PSCA: variants seen among roughly 807,000 people sequenced by gnomAD.
PSCA encodes prostate stem cell antigen.
Under a neutral mutation model 7.9 loss-of-function variants are expected in PSCA, and 7 were observed. That is an observed-to-expected ratio of 0.89 (90% confidence interval 0.51 to 1.67). The LOEUF (loss-of-function observed/expected upper bound fraction) is 1.67, where lower values mean the gene tolerates loss of function less well. Among genes scored for constraint, PSCA ranks in the 40% most tolerant of loss-of-function variants. PSCA has a pLI of 0.00. For synonymous variants in PSCA, 61 were observed against 68.3 expected (o/e 0.89, Z 0.53); for missense variants, 151 against 147.9 (o/e 1.02, Z -0.11).
At position 142,682,427 on chromosome 8, in the gene PSCA, C is replaced by CA. The variant is rs1554638564; in HGVS notation, c.*296dup. 1 of 662,980 alleles carries CA rather than the reference C, an allele frequency of 1.5e-6. No homozygotes were observed. Among genetic ancestry groups the CA allele is most frequent in the East Asian group, 2.9e-5 (1 of 33,958 alleles). 41.1% of individuals were successfully genotyped at this position (662,980 alleles called of 1,614,324 possible). A position where few individuals can be genotyped will look rare whatever the true frequency, so the allele number is the denominator to read the frequency against. On this transcript the variant is annotated 3_prime_UTR_variant, in exon 3 of 3. Coordinates refer to ENST00000301258, the MANE Select transcript of PSCA (RefSeq NM_005672.5). ...CATTCTCCACCCTTAACCCTGTGCT[C>CA]AGGCACCTCTTCCCCCAGGAAGCCT...
At chr8:142,677,801 C>T (rs1847416036), upstream of PSCA, among the ~76,000 whole-genome samples, 1 of 152,138 alleles carries the variant, frequency 6.6e-6, no homozygotes, top group African/African-American at 2.4e-5. Flanking sequence ...GCATGGCCTC[C>T]AGTAAGTTCC....
At chr8:142,681,840 G>T (rs1814648081) in intron 2 of PSCA, 81 bp from the exon 3 acceptor site, 2 of 917,280 alleles carry the variant, frequency 2.2e-6, no homozygotes, top group Non-Finnish European at 3.2e-6. Context: ...ATTAGGCAGG[G>T]TGGGACAGGA....
upstream of PSCA, chr8:142,680,464 C>T (rs1554638171): frequency 6.6e-7 from 1 of 1,521,500 alleles, no homozygotes; most frequent in South Asian, 1.2e-5. Flanking sequence ...CCATTTGAGG[C>T]CATATAAAGT....
chr8:142,679,396 G>A (rs911674742), upstream of PSCA, among the ~76,000 whole-genome samples: 10 of 148,222 alleles, frequency 6.7e-5, no homozygotes, highest in Admixed American at 6.8e-4. Context: ...CTCCTCCCCA[G>A]GGAGGCTGTC....
chr8:142,680,790 G>A (rs781892327), intron 1 of PSCA: 4 of 616,248 alleles, frequency 6.5e-6, no homozygotes, highest in Non-Finnish European at 1.1e-5. Flanking sequence ...GGGCAGCACG[G>A]AGTCACTCTC....
chr8:142,680,321 G>A, upstream of PSCA: 1 of 602,712 alleles, frequency 1.7e-6, no homozygotes, highest in East Asian at 2.8e-5. Flanking sequence ...CTGTCCTCCA[G>A]AGGTGGAAAG....
chr8:142,673,445 G>T lies in PSCA; in HGVS notation n.261+2877G>T, dbSNP rs1847359092. 6.6e-6 allele frequency among the ~76,000 whole-genome samples: 1 copy of T among 152,188 alleles called. No homozygotes were observed. The highest frequency in any genetic ancestry group is 6.5e-5 in the Admixed American group (1 of 15,286). On this transcript the variant is annotated intron_variant and non_coding_transcript_variant, in intron 1 of 1. Coordinates refer to the PSCA transcript ENST00000505305. This position sits in a 1 kb window ranked among gnomAD's most constrained non-coding sequence, Gnocchi z 4.6. Reference sequence around the variant, plus strand: ...ACACTGGGAGGGGTCAGAAAGAGAGGAAGAAAATACACTAGCGTGTAATCA... The same window carrying T: ...ACACTGGGAGGGGTCAGAAAGAGAGTAAGAAAATACACTAGCGTGTAATCA...
chr8:142,677,799 T>A (rs138266381), upstream of PSCA, among the ~76,000 whole-genome samples: 167 of 152,218 alleles, frequency 1.1e-3, 2 homozygotes, highest in Non-Finnish European at 1.8e-3. Flanking sequence ...CTGCATGGCC[T>A]CCAGTAAGTT....
At position 142,674,001 on chromosome 8, in the gene PSCA, G is replaced by A. The variant is rs3098901; in HGVS notation, n.261+3433G>A. Among the ~76,000 whole-genome samples, 12 of 131,310 alleles carry A rather than the reference G, an allele frequency of 9.1e-5. 2 individuals are homozygous for A. Among genetic ancestry groups the A allele is most frequent in the Admixed American group, 6.2e-4 (8 of 12,856 alleles). The allele number at this position is 131,310 out of a possible 152,430, so 86.1% of individuals were successfully genotyped here. On this transcript the variant is annotated intron_variant and non_coding_transcript_variant, in intron 1 of 1. Transcript: ENST00000505305. ...CGTTTCAGTCTAACCTCAGCAGAGC[G>A]CAGATCACCCATCTTCCTAATGAAT...
intron 1 of PSCA, among the ~76,000 whole-genome samples, chr8:142,671,886 T>C (rs1847335689): frequency 6.6e-6 from 1 of 151,034 alleles, no homozygotes; most frequent in Non-Finnish European, 1.5e-5. Flanking sequence ...CACCCTCTGG[T>C]TCTTCTCTTC....
upstream of PSCA, among the ~76,000 whole-genome samples, chr8:142,679,526 G>T (rs1266036576): frequency 6.6e-6 from 1 of 152,246 alleles, no homozygotes; most frequent in African/African-American, 2.4e-5. Flanking sequence ...TGTGCCCAAG[G>T]TGGTCAGTGC....
chr8:142,670,396 A>G (rs1362686790), exon 1 of PSCA: 1 of 152,276 alleles, frequency 6.6e-6, no homozygotes, highest in African/African-American at 2.4e-5. Context: ...TCAGCCCAGG[A>G]CGGTCTTCCC....
chr8:142,674,008 A>C (rs2976385), intron 1 of PSCA, among the ~76,000 whole-genome samples: 57,446 of 129,644 alleles, frequency 0.44, 13,061 homozygotes, highest in Admixed American at 0.52. Flanking sequence ...AGCGCAGATC[A>C]CCCATCTTCC....
upstream of PSCA, among the ~76,000 whole-genome samples, chr8:142,677,008 G>C (rs1847407574): frequency 6.6e-6 from 1 of 152,180 alleles, no homozygotes; most frequent in Non-Finnish European, 1.5e-5. Context: ...CCTGTGACCA[G>C]GGTCAAAAAT....
rs1554638580 is a variant in PSCA at position 142,682,484 on chromosome 8, G to A, written c.*352G>A. On this transcript the variant is annotated 3_prime_UTR_variant, in exon 3 of 3. Coordinates refer to ENST00000301258, the MANE Select transcript of PSCA (RefSeq NM_005672.5). ...CCCACCCCATCTATGACTTGAGCCA[G>A]GTCTGGTCCGTGGTGTCCCCCGCAC... 3.6e-6 allele frequency: 2 copies of A among 559,356 alleles called. No homozygotes were observed. Among genetic ancestry groups the A allele is most frequent in the South Asian group, 1.5e-5 (1 of 65,160 alleles). The allele number at this position is 559,356 out of a possible 1,614,324, so 34.6% of individuals were successfully genotyped here.
At chr8:142,677,371 G>A (rs928558590), upstream of PSCA, among the ~76,000 whole-genome samples, 7 of 152,204 alleles carry the variant, frequency 4.6e-5, no homozygotes, top group African/African-American at 1.7e-4. Context: ...GAGGCCAGCA[G>A]CACCCCTGAG....
rs782666550 is a variant in PSCA at position 142,682,056 on chromosome 8, C to G, written c.269C>G (p.Ala90Gly). The G allele has an allele frequency of 1.2e-6, 2 of 1,611,396 alleles. No individual in the cohort carries two copies. The highest frequency in any genetic ancestry group is 2.7e-5 in the African/African-American group (2 of 74,934). Reference protein sequence around the residue: ...TDLCNASGAHALQPAAAILAL... With the variant: ...TDLCNASGAHGLQPAAAILAL... ...TTGTGCAACGCCAGCGGGGCCCATG[C>G]CCTGCAGCCGGCTGCTGCCATCCTT... The change falls in exon 3 of 3, where the codon GCC becomes GGC. Residue 90 changes from alanine to glycine, a missense_variant. Transcript: ENST00000301258.
At position 142,682,234 on chromosome 8, in the gene PSCA, A is replaced by G; in HGVS notation, c.*102A>G. 7.3e-7 allele frequency: 1 copy of G among 1,368,352 alleles called. No individual in the cohort carries two copies. The allele number at this position is 1,368,352 out of a possible 1,614,324, so 84.8% of individuals were successfully genotyped here. On this transcript the variant is annotated 3_prime_UTR_variant, in exon 3 of 3. Coordinates refer to ENST00000301258, the MANE Select transcript of PSCA (RefSeq NM_005672.5). ...CAGTGGGAGCCTGTCCTGGTTCCTG[A>G]GGCACATCCTAACGCAAGTCTGACC...
At position 142,681,132 on chromosome 8, in the gene PSCA, G is replaced by A. The variant is rs587705719; in HGVS notation, c.26-195G>A. 123 of 563,400 alleles carry A rather than the reference G, an allele frequency of 2.2e-4. 2 individuals are homozygous for A. In the South Asian group the frequency reaches 2.3e-3, roughly 10 times the overall value. The allele number at this position is 563,400 out of a possible 1,614,324, so 34.9% of individuals were successfully genotyped here. On this transcript the variant is annotated intron_variant, in intron 1 of 2. Coordinates refer to ENST00000301258, the MANE Select transcript of PSCA (RefSeq NM_005672.5). Reference sequence around the variant, plus strand: ...ACACACGGTCACAAAAGCAGCCACCGAGGGACTAAACAGGGCAACATTTCG... The same window carrying A: ...ACACACGGTCACAAAAGCAGCCACCAAGGGACTAAACAGGGCAACATTTCG...
Sources: gnomAD v4.1 joint callset for allele counts (sites outside exome capture counted in the v4.1 genomes callset) on GRCh38, gnomAD v4.1.1 for gene constraint, Gnocchi (gnomAD v3.1) non-coding constraint, MANE v1.5 for transcripts, NCBI Gene and HGNC (gene_info 2026-07-23, HGNC 2026-07-21) for gene names.